Variants in GARS1 observed in about 807,000 individuals in gnomAD.
GARS1 encodes the protein glycine--tRNA ligase.
In GARS1, 46 loss-of-function variants were observed where a neutral mutation model predicts 86.4. The ratio of observed to expected loss-of-function variants is 0.53; its 90% confidence interval spans 0.42 to 0.68. The LOEUF (loss-of-function observed/expected upper bound fraction) is 0.68. GARS1 is among the 30% of genes least tolerant of loss of function. The pLI, the probability that GARS1 is intolerant of heterozygous loss-of-function variation, is 0.00. For missense variants in GARS1, 797 were observed against 915.6 expected, an observed-to-expected ratio of 0.87 and a Z score of 1.67; for synonymous variants, 342 against 329.8, an observed-to-expected ratio of 1.04 and a Z score of -0.40.
intron 2 of GARS1, 47 bp from the exon 3 acceptor site, chr7:30,599,900 T>TTGGGGGGCG: frequency 8.3e-7 from 1 of 1,198,670 alleles, no homozygotes; most frequent in Non-Finnish European, 1.2e-6. Flanking sequence ...AAGTTCAGAT[T>TTGGGGGGCG]CCCACCCACC....
chr7:30,594,903 A>C lies in GARS1; in HGVS notation c.-19A>C, dbSNP rs569310951. On this transcript the variant is annotated 5_prime_UTR_variant, in exon 1 of 17. Transcript: ENST00000389266. ...GCTTCCGTCGCCACCCTCTCTGGAC[A>C]GCCCAGGGCCGCAGGCTCATGCCCT... 6.7e-5 allele frequency: 103 copies of C among 1,542,434 alleles called. No homozygotes were observed. Among genetic ancestry groups the C allele is most frequent in the Non-Finnish European group, 8.6e-5 (99 of 1,149,222 alleles).
intron 9 of GARS1, 30 bp downstream of exon 9, chr7:30,616,088 T>G: frequency 6.2e-7 from 1 of 1,613,432 alleles, no homozygotes; most frequent in Non-Finnish European, 8.5e-7. Flanking sequence ...TTAACTTAGA[T>G]TGTGCCTGTT....
chr7:30,614,825 G>A (rs1156454260), intron 8 of GARS1, among the ~76,000 whole-genome samples: 4 of 147,950 alleles, frequency 2.7e-5, no homozygotes, highest in Non-Finnish European at 5.9e-5. Context: ...GCAGTGAGCC[G>A]AGATCGCGCC....
chr7:30,604,609 T>G (rs1791446570), intron 6 of GARS1, among the ~76,000 whole-genome samples: 1 of 152,186 alleles, frequency 6.6e-6, no homozygotes, highest in Non-Finnish European at 1.5e-5. Context: ...CATTGAAAAC[T>G]TTCTTAATTT....
At chr7:30,611,999 T>C in intron 7 of GARS1, 97 bp from the exon 8 acceptor site, 1 of 1,108,692 alleles carries the variant, frequency 9.0e-7, no homozygotes, top group Non-Finnish European at 1.4e-6. Flanking sequence ...GTGAAAATGG[T>C]ATATTTAGGA....
At chr7:30,612,633 A>AGG (rs1782786391) in intron 8 of GARS1, among the ~76,000 whole-genome samples, 2 of 152,298 alleles carry the variant, frequency 1.3e-5, no homozygotes, top group East Asian at 3.9e-4. Context: ...AAGTTGTGGC[A>AGG]GGAGGATTGT....
chr7:30,599,504 G>A (rs1243424825), intron 2 of GARS1, among the ~76,000 whole-genome samples: 1 of 152,160 alleles, frequency 6.6e-6, no homozygotes, highest in African/African-American at 2.4e-5. Flanking sequence ...CCGGGTTCAA[G>A]TGATTCTCCT....
At chr7:30,595,768 TAA>T in intron 1 of GARS1, 1 of 471,178 alleles carries the variant, frequency 2.1e-6, no homozygotes, top group Non-Finnish European at 4.4e-6. Flanking sequence ...ACTTTTCTAT[TAA>T]TGCTGTGAAC....
At chr7:30,630,937 T>C (rs1297452068) in intron 14 of GARS1, among the ~76,000 whole-genome samples, 1 of 152,226 alleles carries the variant, frequency 6.6e-6, no homozygotes, top group East Asian at 1.9e-4. Flanking sequence ...TTTGGACATA[T>C]GTTTGTGAGC....
chr7:30,607,786 A>G (rs1791513608), intron 6 of GARS1, among the ~76,000 whole-genome samples: 1 of 152,216 alleles, frequency 6.6e-6, no homozygotes, highest in African/African-American at 2.4e-5. Flanking sequence ...TTAGTCTACT[A>G]TCTTTCTCTT....
chr7:30,610,020 T>C lies in GARS1; in HGVS notation c.881+290T>C, dbSNP rs140249264. 0.017 allele frequency among the ~76,000 whole-genome samples: 2,591 copies of C among 152,278 alleles called. 35 individuals are homozygous for C. Among genetic ancestry groups the C allele is most frequent in the Non-Finnish European group, 0.023 (1,582 of 68,014 alleles). On this transcript the variant is annotated intron_variant, in intron 7 of 16. Coordinates refer to ENST00000389266, the MANE Select transcript of GARS1 (RefSeq NM_002047.4). ...GGTAGAAGGGACAGTTGAAGAATGG[T>C]TTTAAAAGCCGTTGAACTTATTGCT...
rs1490209549 is a variant in GARS1 at position 30,594,969 on chromosome 7, G to C, written c.48G>C (p.Leu16=). Residue 16 remains leucine (L), a synonymous_variant, in exon 1 of 17, where the codon CTG becomes CTC. Transcript: ENST00000389266. ...TGCTTAGAGGTGCTCGCGCCGCTCTGCTGCTGCTGCTGCCGCCCCGGCTCT... is the reference window on the plus strand; with the variant it reads ...TGCTTAGAGGTGCTCGCGCCGCTCTCCTGCTGCTGCTGCCGCCCCGGCTCT... The part of the protein sequence containing the change: ...PVLLRGARAA[L]LLLLPPRLLA... 6.4e-7 allele frequency: 1 copy of C among 1,558,734 alleles called. No homozygotes were observed. Among genetic ancestry groups the C allele is most frequent in the Admixed American group, 1.7e-5 (1 of 57,300 alleles).
At chr7:30,620,040 G>A (rs1337980455) in intron 10 of GARS1, among the ~76,000 whole-genome samples, 1 of 151,764 alleles carries the variant, frequency 6.6e-6, no homozygotes. Flanking sequence ...GCCTCCCAAA[G>A]TGCTGGGATT....
At chr7:30,628,927 T>G (rs1030515772) in intron 14 of GARS1, among the ~76,000 whole-genome samples, 1 of 152,206 alleles carries the variant, frequency 6.6e-6, no homozygotes, top group Non-Finnish European at 1.5e-5. Flanking sequence ...CCTATTACTT[T>G]GGGGAACAAT....
intron 1 of GARS1, 71 bp from the exon 2 acceptor site, chr7:30,598,725 T>C: frequency 7.4e-7 from 1 of 1,353,080 alleles, no homozygotes; most frequent in Non-Finnish European, 1.1e-6. Context: ...AAAGGCACGC[T>C]TAAAAACACA....
chr7:30,626,675 A>G (rs1476808931), intron 13 of GARS1, among the ~76,000 whole-genome samples: 1 of 152,184 alleles, frequency 6.6e-6, no homozygotes. Flanking sequence ...TCTTTGGCAA[A>G]ATAACTTGTT....
chr7:30,625,016 C>T (rs1256751477), intron 12 of GARS1, among the ~76,000 whole-genome samples: 3 of 152,066 alleles, frequency 2.0e-5, no homozygotes, highest in African/African-American at 7.2e-5. Flanking sequence ...GATCTCAGCT[C>T]ACTGCAACCT....
chr7:30,603,095 T>G lies in GARS1; in HGVS notation c.631T>G (p.Cys211Gly), dbSNP rs1301948344. 2 of 1,613,762 alleles carry G rather than the reference T, an allele frequency of 1.2e-6. No individual in the cohort carries two copies. Among genetic ancestry groups the G allele is most frequent in the South Asian group, 1.1e-5 (1 of 91,088 alleles). Residue 211 changes from cysteine (C) to glycine (G), a missense_variant, in exon 5 of 17, where the codon TGT (cysteine) becomes GGT (glycine). Coordinates refer to ENST00000389266, the MANE Select transcript of GARS1 (RefSeq NM_002047.4). ...GGTGAAAGACGTAAAAAATGGAGAA[T>G]GTTTTCGTGCTGACCATCTATTAAA... ...FMVKDVKNGECFRADHLLKAH... is the reference protein window; with the variant it reads ...FMVKDVKNGEGFRADHLLKAH...
intron 1 of GARS1, among the ~76,000 whole-genome samples, chr7:30,597,171 C>T (rs76062262): frequency 0.036 from 5,492 of 152,192 alleles, 129 homozygotes; most frequent in Middle Eastern, 0.082. Context: ...TATTAACAAA[C>T]GTGGATTTTT....
Sources: allele counts gnomAD v4.1 joint callset (sites outside exome capture counted in the v4.1 genomes callset), GRCh38; gene constraint gnomAD v4.1.1; transcripts MANE v1.5; gene names NCBI Gene and HGNC (gene_info 2026-07-23, HGNC 2026-07-21).